Variants in NMNAT3 observed in about 807,000 individuals in gnomAD.
The protein encoded by NMNAT3 is nicotinamide nucleotide adenylyltransferase 3, also known as nicotinamide/nicotinic acid mononucleotide adenylyltransferase 3.
NMNAT3 carries 21 observed loss-of-function variants against 24.8 expected under a neutral mutation model. The ratio of observed to expected loss-of-function variants is 0.85; its 90% confidence interval spans 0.60 to 1.22. NMNAT3 has a LOEUF of 1.22. Among genes scored for constraint, NMNAT3 ranks in the 50% most tolerant of loss-of-function variants. NMNAT3 has a pLI of 0.00. For synonymous variants in NMNAT3, 136 were observed against 155.2 expected (o/e 0.88, Z 0.92); for missense variants, 387 against 436.6 (o/e 0.89, Z 1.01).
chr3:139,618,357 G>A (rs1023878841), intron 3 of NMNAT3, among the ~76,000 whole-genome samples: 1 of 152,140 alleles, frequency 6.6e-6, no homozygotes, highest in Non-Finnish European at 1.5e-5. Context: ...ATAGTTAAAA[G>A]TTTTGATATA....
intron 6 of NMNAT3, among the ~76,000 whole-genome samples, chr3:139,571,955 C>T (rs57136468): frequency 0.029 from 4,458 of 152,268 alleles, 231 homozygotes; most frequent in African/African-American, 0.1. Context: ...CATGGAGTGC[C>T]TCACACTTAT....
rs187753081 is a variant in NMNAT3, at chr3:139,588,820, A to G, written c.110-5612T>C. 1.8e-3 allele frequency among the ~76,000 whole-genome samples: 276 copies of G among 152,336 alleles called. 1 individual carries two copies. Among genetic ancestry groups the G allele is most frequent in the African/African-American group, 4.4e-3 (184 of 41,586 alleles). ...ATATAGGCACAGCTGAGGGAGGGGA[A>G]GTAACATCTTTAAGACAGAAGGATT... On this transcript the variant is annotated intron_variant, in intron 3 of 6. Coordinates refer to ENST00000643695, the MANE Select transcript of NMNAT3 (RefSeq NM_001320510.2).
At chr3:139,580,907 A>G (rs1940087959) in intron 4 of NMNAT3, among the ~76,000 whole-genome samples, 1 of 152,226 alleles carries the variant, frequency 6.6e-6, no homozygotes, top group African/African-American at 2.4e-5. Flanking sequence ...ATTTGATACA[A>G]CAATAAAGTA....
chr3:139,662,850 A>G (rs985718352), intron 1 of NMNAT3, among the ~76,000 whole-genome samples: 1 of 152,012 alleles, frequency 6.6e-6, no homozygotes, highest in Non-Finnish European at 1.5e-5. Flanking sequence ...TGACCCCCCA[A>G]TCAATATTAC....
chr3:139,677,576 C>T (rs2057974308), intron 1 of NMNAT3, 129 bp downstream of exon 1: 1 of 152,310 alleles, frequency 6.6e-6, no homozygotes, highest in African/African-American at 2.4e-5. Context: ...TGGCTCCGCA[C>T]TCCGCCGCCA....
At chr3:139,667,910 C>G (rs2057635083) in intron 1 of NMNAT3, among the ~76,000 whole-genome samples, 1 of 152,134 alleles carries the variant, frequency 6.6e-6, no homozygotes, top group Non-Finnish European at 1.5e-5. Context: ...CTCTAGAGGC[C>G]TATAGGAGCC....
At chr3:139,656,829 A>C (rs2057260642) in intron 1 of NMNAT3, among the ~76,000 whole-genome samples, 1 of 152,136 alleles carries the variant, frequency 6.6e-6, no homozygotes, top group Admixed American at 6.6e-5. Flanking sequence ...TTTGTGGTAG[A>C]AAACAGGAAT....
At chr3:139,598,591 T>C (rs2054580017) in intron 3 of NMNAT3, among the ~76,000 whole-genome samples, 1 of 152,080 alleles carries the variant, frequency 6.6e-6, no homozygotes, top group Non-Finnish European at 1.5e-5. Context: ...GTCACAGTCT[T>C]CAAGACTTCT....
At chr3:139,611,899 T>G (rs1973429) in intron 3 of NMNAT3, among the ~76,000 whole-genome samples, 141,705 of 152,212 alleles carry the variant, frequency 0.93, 66,837 homozygotes, top group East Asian at 1. Context: ...TGGACGTGGT[T>G]GCTTACGCCT....
intron 1 of NMNAT3, among the ~76,000 whole-genome samples, chr3:139,673,022 C>T (rs552628334): frequency 6.8e-4 from 103 of 152,310 alleles, no homozygotes; most frequent in Middle Eastern, 3.4e-3. Context: ...CCCAGCTTTC[C>T]GGACAACAGC....
chr3:139,561,439 C>A, intron 6 of NMNAT3, 47 bp from the exon 7 acceptor site: 1 of 1,560,484 alleles, frequency 6.4e-7, no homozygotes, highest in South Asian at 1.2e-5. Context: ...GAGGTCACTG[C>A]CAGGAAAGAC....
chr3:139,677,349 CG>C lies in NMNAT3; in HGVS notation c.-141+355del, dbSNP rs780416144. 5.1e-4 allele frequency among the ~76,000 whole-genome samples: 78 copies of C among 152,366 alleles called. 1 individual carries two copies. Among genetic ancestry groups the C allele is most frequent in the Non-Finnish European group, 8.7e-4 (59 of 68,042 alleles). On this transcript the variant is annotated intron_variant, in intron 1 of 6. Coordinates refer to ENST00000643695, the MANE Select transcript of NMNAT3 (RefSeq NM_001320510.2). ...GTAACCCCAGCACTTAGCCCAGCAG[CG>C]GACACTGAGTGGAACACGTTAAGTA...
chr3:139,626,113 C>T (rs545685602), intron 3 of NMNAT3, among the ~76,000 whole-genome samples: 36 of 152,080 alleles, frequency 2.4e-4, no homozygotes, highest in Middle Eastern at 3.4e-3. Flanking sequence ...CTTAACGTTT[C>T]TTGTGTTTGG....
At chr3:139,671,364 C>G (rs1199444041) in intron 1 of NMNAT3, among the ~76,000 whole-genome samples, 3 of 152,198 alleles carry the variant, frequency 2.0e-5, no homozygotes, top group African/African-American at 7.2e-5. Context: ...TTGTTCTCCT[C>G]CTATACTGTA....
chr3:139,670,463 C>T (rs1392755874), intron 1 of NMNAT3, among the ~76,000 whole-genome samples: 4 of 152,208 alleles, frequency 2.6e-5, no homozygotes, highest in Admixed American at 6.5e-5. Context: ...TACACTTCCC[C>T]GGCTAATTTC....
intron 3 of NMNAT3, among the ~76,000 whole-genome samples, chr3:139,587,816 A>C (rs2108149797): frequency 6.6e-6 from 1 of 152,168 alleles, no homozygotes; most frequent in Admixed American, 6.5e-5. Context: ...GGGAGGACTA[A>C]CTCCTGCTGG....
rs949729591 is a variant in NMNAT3 at position 139,652,589 on chromosome 3, A to G, written c.-140-14527T>C. 6.6e-5 allele frequency among the ~76,000 whole-genome samples: 10 copies of G among 152,310 alleles called. 1 individual carries two copies. The South Asian group carries it at 1.7e-3, about 25-fold the overall frequency. ...GAGCAAGAGCAGCCTATGGGGGGCAACAGCACTTCTCAGTGGGCCCAAGAG... is the reference window on the plus strand; with the variant it reads ...GAGCAAGAGCAGCCTATGGGGGGCAGCAGCACTTCTCAGTGGGCCCAAGAG... On this transcript the variant is annotated intron_variant, in intron 1 of 6. Coordinates refer to ENST00000643695, the MANE Select transcript of NMNAT3 (RefSeq NM_001320510.2).
chr3:139,666,194 A>C lies in NMNAT3; in HGVS notation c.-141+11511T>G, dbSNP rs956692950. ...AATGGGACAGTGACATGCCTCCCAC[A>C]GAGAGGTGGGTCTATTTTGTCCCCC... On this transcript the variant is annotated intron_variant, in intron 1 of 6. Coordinates refer to ENST00000643695, the MANE Select transcript of NMNAT3 (RefSeq NM_001320510.2). Among the ~76,000 whole-genome samples, 31 of 152,172 alleles carry C rather than the reference A, an allele frequency of 2.0e-4. 1 individual carries two copies. The highest frequency in any genetic ancestry group is 4.6e-4 in the Non-Finnish European group (31 of 68,030).
intron 3 of NMNAT3, among the ~76,000 whole-genome samples, chr3:139,608,993 A>AGTAT (rs1171225577): frequency 6.6e-6 from 1 of 152,230 alleles, no homozygotes; most frequent in East Asian, 1.9e-4. Flanking sequence ...TGAATCACAT[A>AGTAT]GTATGTAACC....
Sources: gnomAD v4.1 joint callset for allele counts (sites outside exome capture counted in the v4.1 genomes callset) on GRCh38, gnomAD v4.1.1 for gene constraint, MANE v1.5 for transcripts, NCBI Gene and HGNC (gene_info 2026-07-23, HGNC 2026-07-21) for gene names.